Variants in DSCAM observed in about 807,000 individuals in gnomAD.
DSCAM encodes cell adhesion molecule DSCAM.
In DSCAM, 47 loss-of-function variants were observed where a neutral mutation model predicts 217.7. That is an observed-to-expected ratio of 0.22 (90% CI 0.17 to 0.28). DSCAM has a LOEUF of 0.28. DSCAM is among the 10% of genes least tolerant of loss of function. The probability of loss-of-function intolerance (pLI) is 1.00; values close to 1 mark genes in which losing one functional copy is unlikely to be tolerated. For missense variants in DSCAM, 2,080 were observed against 2,618.3 expected, an observed-to-expected ratio of 0.79 and a Z score of 4.49; for synonymous variants, 1,056 against 1,015.3, an observed-to-expected ratio of 1.04 and a Z score of -0.76.
chr21:40,482,793 G>C (rs1286706222), intron 3 of DSCAM, among the ~76,000 whole-genome samples: 2 of 152,056 alleles, frequency 1.3e-5, no homozygotes, highest in Non-Finnish European at 2.9e-5. Flanking sequence ...ATAACTCTTA[G>C]CACACTACCT....
In DSCAM at chr21:40,295,866, G is replaced by A. The variant is rs577940257; in HGVS notation, c.2182+189C>T. Among the ~76,000 whole-genome samples the A allele has an allele frequency of 1.0e-3, 158 of 152,302 alleles. 2 individuals are homozygous for A. The highest frequency in any genetic ancestry group is 5.4e-3 in the South Asian group (26 of 4,830). ...AGGGCATGTTATGTACAACAGACAC[G>A]TTGTGTGTCTGAATAAAAACACCTA... is the stretch of plus-strand genomic sequence containing the variant. On this transcript the variant is annotated intron_variant, in intron 10 of 32. Transcript: ENST00000400454.
intron 16 of DSCAM, among the ~76,000 whole-genome samples, chr21:40,156,484 T>G (rs2090480990): frequency 6.6e-6 from 1 of 152,230 alleles, no homozygotes; most frequent in Admixed American, 6.5e-5. Context: ...GAGCTTTAAT[T>G]TTATAACTGG....
intron 11 of DSCAM, among the ~76,000 whole-genome samples, chr21:40,257,922 G>A (rs753171839): frequency 3.3e-5 from 5 of 152,118 alleles, no homozygotes; most frequent in Non-Finnish European, 7.4e-5. Flanking sequence ...TTTTCACAGA[G>A]CAATGTACCT....
chr21:40,473,812 G>A (rs2075909973), intron 3 of DSCAM, among the ~76,000 whole-genome samples: 1 of 152,102 alleles, frequency 6.6e-6, no homozygotes, highest in Admixed American at 6.5e-5. Flanking sequence ...CACACACGGA[G>A]GACAACCACG....
At chr21:40,517,024 CAT>C (rs892142906) in intron 3 of DSCAM, among the ~76,000 whole-genome samples, 1 of 146,226 alleles carries the variant, frequency 6.8e-6, no homozygotes, top group African/African-American at 2.5e-5. Context: ...TACATACTAA[CAT>C]ATGTATATAT....
chr21:40,094,144 T>A (rs1483232332), intron 20 of DSCAM, among the ~76,000 whole-genome samples: 2 of 152,096 alleles, frequency 1.3e-5, no homozygotes, highest in Non-Finnish European at 2.9e-5. Context: ...TTGGCTGAGA[T>A]GGAGTAACAA....
intron 21 of DSCAM, among the ~76,000 whole-genome samples, chr21:40,091,420 CT>C (rs1176185714): frequency 1.3e-5 from 2 of 152,070 alleles, no homozygotes; most frequent in Non-Finnish European, 2.9e-5. Context: ...GACCTCCCAC[CT>C]GCTAAATCTT....
chr21:40,341,341 G>T (rs1273853570), intron 6 of DSCAM, among the ~76,000 whole-genome samples: 1 of 152,044 alleles, frequency 6.6e-6, no homozygotes, highest in South Asian at 2.1e-4. Flanking sequence ...TAATTCCATG[G>T]TTTTTGTAAA....
intron 11 of DSCAM, among the ~76,000 whole-genome samples, chr21:40,239,045 T>C (rs1049582579): frequency 7.2e-5 from 11 of 152,178 alleles, no homozygotes; most frequent in African/African-American, 1.9e-4. Flanking sequence ...GCTTCAGAGA[T>C]GGAGAACAGT....
intron 3 of DSCAM, among the ~76,000 whole-genome samples, chr21:40,620,408 G>GGAGGGAGGGAGAGAA (rs1315022434): frequency 2.7e-5 from 4 of 147,304 alleles, no homozygotes; most frequent in East Asian, 2.0e-4. Flanking sequence ...AAGAAAGGAG[G>GGAGGGAGGGAGAGAA]GAGGGAGGGA....
intron 11 of DSCAM, among the ~76,000 whole-genome samples, chr21:40,270,082 G>A (rs2123359950): frequency 6.6e-6 from 1 of 152,304 alleles, no homozygotes; most frequent in African/African-American, 2.4e-5. Context: ...TGGAACTTCA[G>A]GCTGACTTAG....
At chr21:40,206,163 C>A (rs2837502) in intron 11 of DSCAM, among the ~76,000 whole-genome samples, 1 of 151,984 alleles carries the variant, frequency 6.6e-6, no homozygotes. Flanking sequence ...GGTAAAGAGA[C>A]CTTTGAACAC....
At chr21:40,758,582 T>C (rs1457465477) in intron 1 of DSCAM, among the ~76,000 whole-genome samples, 1 of 150,802 alleles carries the variant, frequency 6.6e-6, no homozygotes, top group Non-Finnish European at 1.5e-5. Context: ...ACTGCTGGCA[T>C]AAAGTGGAAA....
chr21:40,811,577 G>A (rs1402875996), intron 1 of DSCAM, among the ~76,000 whole-genome samples: 2 of 152,218 alleles, frequency 1.3e-5, no homozygotes, highest in African/African-American at 2.4e-5. Flanking sequence ...GGGCCCTGGA[G>A]CAGCAGAACC....
intron 3 of DSCAM, among the ~76,000 whole-genome samples, chr21:40,656,991 T>C (rs2090083726): frequency 1.3e-5 from 2 of 152,258 alleles, no homozygotes; most frequent in Admixed American, 6.5e-5. Flanking sequence ...ACTTGAACCA[T>C]AGTATGTCTA....
chr21:40,781,358 C>G (rs2091542778), intron 1 of DSCAM, among the ~76,000 whole-genome samples: 1 of 152,068 alleles, frequency 6.6e-6, no homozygotes, highest in South Asian at 2.1e-4. Context: ...TGTTTACTTT[C>G]CAGCATATAG....
Position 40,050,764 on chromosome 21 carries a change from C to T in DSCAM, c.5185+1194G>A, listed in dbSNP as rs528672008. On this transcript the variant is annotated intron_variant, in intron 30 of 32. Transcript: ENST00000400454. ...CCAAAGTGCTGGGATTGAGCCACTGCGCCCAGTCTGGATCATTTTTTAAGA... is the reference window on the plus strand; with the variant it reads ...CCAAAGTGCTGGGATTGAGCCACTGTGCCCAGTCTGGATCATTTTTTAAGA... Among the ~76,000 whole-genome samples, 650 of 152,278 alleles carry T rather than the reference C, an allele frequency of 4.3e-3. 4 individuals are homozygous for T. Among genetic ancestry groups the T allele is most frequent in the African/African-American group, 0.015 (605 of 41,564 alleles).
At chr21:40,471,747 G>A (rs1006952416) in intron 3 of DSCAM, among the ~76,000 whole-genome samples, 1 of 152,048 alleles carries the variant, frequency 6.6e-6, no homozygotes. Context: ...TTTTATCAGT[G>A]GGGACAGCAA....
At chr21:40,187,386 T>C in intron 13 of DSCAM, 127 bp from the exon 14 acceptor site, 2 of 1,252,262 alleles carry the variant, frequency 1.6e-6, no homozygotes, top group African/African-American at 1.5e-5. Context: ...GCTTTTTATT[T>C]GGAAGCATTT....
Sources: gnomAD v4.1 joint callset for allele counts (sites outside exome capture counted in the v4.1 genomes callset) on GRCh38, gnomAD v4.1.1 for gene constraint, MANE v1.5 for transcripts, NCBI Gene and HGNC (gene_info 2026-07-23, HGNC 2026-07-21) for gene names.